The following CRPPA variants were observed in gnomAD, a reference collection of about 807,000 sequenced individuals.
The protein encoded by CRPPA is CDP-L-ribitol pyrophosphorylase A.
Under a neutral mutation model 52.0 loss-of-function variants are expected in CRPPA, and 43 were observed. That is an observed-to-expected ratio of 0.83 (90% CI 0.65 to 1.07). The LOEUF is 1.07. Ranked by LOEUF, CRPPA falls within the 50% of genes least tolerant of loss-of-function variation. The pLI is 0.00. For missense variants in CRPPA, 629 were observed against 551.7 expected (o/e 1.14, Z -1.40); for synonymous variants, 250 against 203.5 (o/e 1.23, Z -1.94).
chr7:16,101,905 C>T (rs754537810), intron 9 of CRPPA, among the ~76,000 whole-genome samples: 1 of 152,114 alleles, frequency 6.6e-6, no homozygotes, highest in African/African-American at 2.4e-5. Flanking sequence ...AGATTCAGTG[C>T]TATCCCCCTC....
intron 3 of CRPPA, among the ~76,000 whole-genome samples, chr7:16,349,008 G>T (rs1318804120): frequency 6.6e-6 from 1 of 152,294 alleles, no homozygotes; most frequent in African/African-American, 2.4e-5. Context: ...TATCTCCCTA[G>T]TATCAGAGGG....
intron 9 of CRPPA, among the ~76,000 whole-genome samples, chr7:16,099,789 T>A (rs1287170218): frequency 2.0e-5 from 3 of 152,186 alleles, no homozygotes; most frequent in Non-Finnish European, 2.9e-5. Flanking sequence ...ATAAAGTAAA[T>A]TCCACAACTT....
chr7:16,091,675 T>C lies in CRPPA; in HGVS notation c.*20A>G, dbSNP rs117387535. On this transcript the variant is annotated 3_prime_UTR_variant, in exon 10 of 10. Coordinates refer to ENST00000407010, the MANE Select transcript of CRPPA (RefSeq NM_001101426.4). ...ATACGCAAATAGATGTTTTAGAAAA[T>C]AGGTAATTTTTTGTGTTCTTCATGC... is the stretch of plus-strand genomic sequence containing the variant. The C allele has an allele frequency of 5.9e-6, 8 of 1,357,626 alleles. No homozygotes were observed. Among genetic ancestry groups the C allele is most frequent in the East Asian group, 2.5e-5 (1 of 40,100 alleles). 84.1% of individuals were successfully genotyped at this position (1,357,626 alleles called of 1,614,324 possible).
intron 8 of CRPPA, among the ~76,000 whole-genome samples, chr7:16,245,285 T>G (rs558456920): frequency 6.6e-6 from 1 of 152,380 alleles, no homozygotes; most frequent in South Asian, 2.1e-4. Context: ...ATATCTAGAT[T>G]TAAGACTTTC....
At chr7:16,336,772 C>T (rs1005886157) in intron 3 of CRPPA, among the ~76,000 whole-genome samples, 14 of 151,210 alleles carry the variant, frequency 9.3e-5, no homozygotes, top group African/African-American at 2.9e-4. Flanking sequence ...GAACACAGAC[C>T]GAAAATGAAA....
chr7:16,394,873 C>A (rs886938410), intron 2 of CRPPA, among the ~76,000 whole-genome samples: 1 of 152,126 alleles, frequency 6.6e-6, no homozygotes, highest in Non-Finnish European at 1.5e-5. Flanking sequence ...TGACTCCATC[C>A]CTTGCCTTGC....
intron 9 of CRPPA, among the ~76,000 whole-genome samples, chr7:16,115,659 T>C (rs545193771): frequency 6.6e-6 from 1 of 152,166 alleles, no homozygotes; most frequent in Non-Finnish European, 1.5e-5. Context: ...CAAGCCTGAA[T>C]GAAGAATAAG....
intron 9 of CRPPA, among the ~76,000 whole-genome samples, chr7:16,163,557 T>C (rs1780967750): frequency 6.6e-6 from 1 of 152,206 alleles, no homozygotes; most frequent in Non-Finnish European, 1.5e-5. Flanking sequence ...ATCCTGTCAT[T>C]ATGATACTAG....
intron 3 of CRPPA, among the ~76,000 whole-genome samples, chr7:16,367,174 T>TAA (rs56184465): frequency 9.3e-4 from 140 of 150,360 alleles, no homozygotes; most frequent in African/African-American, 2.8e-3. Flanking sequence ...TGTCAAAATT[T>TAA]AAAAAAAAAA....
intron 3 of CRPPA, among the ~76,000 whole-genome samples, chr7:16,340,628 G>GA (rs1454396396): frequency 1.4e-5 from 2 of 138,226 alleles, no homozygotes; most frequent in Non-Finnish European, 1.6e-5. Context: ...AAAAAAAAAC[G>GA]AAAAAACCAA....
intron 9 of CRPPA, among the ~76,000 whole-genome samples, chr7:16,189,156 A>G (rs903480466): frequency 2.6e-5 from 4 of 152,136 alleles, no homozygotes; most frequent in Non-Finnish European, 5.9e-5. Flanking sequence ...TTACATGTAG[A>G]TCATCAGGAC....
Position 16,222,638 on chromosome 7 carries a change from C to T in CRPPA, c.1120-6441G>A, listed in dbSNP as rs150282349. 6.2e-3 allele frequency among the ~76,000 whole-genome samples: 944 copies of T among 152,004 alleles called. 12 individuals carry two copies. The highest frequency in any genetic ancestry group is 0.022 in the African/African-American group (897 of 41,478). On this transcript the variant is annotated intron_variant, in intron 8 of 9. Coordinates refer to ENST00000407010, the MANE Select transcript of CRPPA (RefSeq NM_001101426.4). ...ATAAAATTCAAGAAGAGTGATTATCCAGTTAAGTAAATTAAGTTTTTTAAA... is the reference window on the plus strand; with the variant it reads ...ATAAAATTCAAGAAGAGTGATTATCTAGTTAAGTAAATTAAGTTTTTTAAA...
intron 3 of CRPPA, among the ~76,000 whole-genome samples, chr7:16,309,828 G>A (rs1024481952): frequency 5.3e-5 from 8 of 152,096 alleles, no homozygotes; most frequent in African/African-American, 1.7e-4. Flanking sequence ...AGTCACAAAA[G>A]GAGTTCATAA....
At chr7:16,138,146 T>G (rs1782796832) in intron 9 of CRPPA, among the ~76,000 whole-genome samples, 1 of 152,210 alleles carries the variant, frequency 6.6e-6, no homozygotes, top group Non-Finnish European at 1.5e-5. Context: ...GACTTATTTC[T>G]CCATCCGAAG....
chr7:16,288,400 A>G (rs1784492456), intron 5 of CRPPA, among the ~76,000 whole-genome samples: 1 of 152,080 alleles, frequency 6.6e-6, no homozygotes, highest in South Asian at 2.1e-4. Context: ...AAAATAAAAC[A>G]AGCCTTAAAA....
At chr7:16,182,670 A>G (rs529996916) in intron 9 of CRPPA, among the ~76,000 whole-genome samples, 1 of 152,310 alleles carries the variant, frequency 6.6e-6, no homozygotes, top group Admixed American at 6.5e-5. Flanking sequence ...TGTTTTCTTC[A>G]TAACCAAGTT....
chr7:16,379,083 T>C (rs1186543092), intron 2 of CRPPA, among the ~76,000 whole-genome samples: 4 of 152,204 alleles, frequency 2.6e-5, no homozygotes, highest in African/African-American at 7.2e-5. Context: ...TGGTAGTTTC[T>C]TTTGCTGTGC....
At chr7:16,406,478 T>C in intron 1 of CRPPA, 141 bp from the exon 2 acceptor site, 1 of 678,866 alleles carries the variant, frequency 1.5e-6, no homozygotes, top group Admixed American at 2.8e-5. Context: ...TTATGCATTC[T>C]CGTTAGGTCC....
chr7:16,276,409 G>A (rs2128417265), intron 6 of CRPPA, among the ~76,000 whole-genome samples: 1 of 152,208 alleles, frequency 6.6e-6, no homozygotes, highest in Admixed American at 6.5e-5. Flanking sequence ...GAGCATCCAG[G>A]CAAATAGACT....
Sources: allele counts gnomAD v4.1 joint callset (sites outside exome capture counted in the v4.1 genomes callset), GRCh38; gene constraint gnomAD v4.1.1; transcripts MANE v1.5; gene names NCBI Gene and HGNC (gene_info 2026-07-23, HGNC 2026-07-21).